Variants in GNE observed in about 807,000 individuals in gnomAD.
The protein encoded by GNE is bifunctional UDP-N-acetylglucosamine 2-epimerase/N-acetylmannosamine kinase.
Under a neutral mutation model 61.8 loss-of-function variants are expected in GNE, and 41 were observed. The observed-to-expected ratio is 0.66, with a 90% CI of 0.52 to 0.86. GNE has a LOEUF of 0.86. GNE is among the 40% of genes least tolerant of loss of function. GNE has a pLI of 0.00. For synonymous variants in GNE, 264 were observed against 326.4 expected (o/e 0.81, Z 2.06); for missense variants, 608 against 909.1 (o/e 0.67, Z 4.26).
chr9:36,271,494 C>G (rs1239384869), intron 1 of GNE, among the ~76,000 whole-genome samples: 1 of 152,200 alleles, frequency 6.6e-6, no homozygotes, highest in Non-Finnish European at 1.5e-5. Context: ...CTGCCTCAGC[C>G]TCCCAAGTAG....
Position 36,217,126 on chromosome 9 carries a change from T to C in GNE, c.*239A>G. 1.8e-6 allele frequency: 1 copy of C among 546,308 alleles called. No individual in the cohort carries two copies. Among genetic ancestry groups the C allele is most frequent in the Admixed American group, 3.1e-5 (1 of 32,444 alleles). The allele number at this position is 546,308 out of a possible 1,614,324, so 33.8% of individuals were successfully genotyped here. ...GGCACAGAAAATTGTGACTGTAACT[T>C]ACAGGGTTTGAGCTAAAATGACCCC... On this transcript the variant is annotated 3_prime_UTR_variant, in exon 12 of 12. Coordinates refer to ENST00000642385, the MANE Select transcript of GNE (RefSeq NM_005476.7).
At chr9:36,275,435 G>C (rs1370048662) in intron 1 of GNE, among the ~76,000 whole-genome samples, 2 of 152,136 alleles carry the variant, frequency 1.3e-5, no homozygotes, top group East Asian at 3.8e-4. Flanking sequence ...TTTTACTGAG[G>C]AATATTGGAA....
At chr9:36,245,409 G>A (rs1829827425) in intron 3 of GNE, among the ~76,000 whole-genome samples, 1 of 151,890 alleles carries the variant, frequency 6.6e-6, no homozygotes, top group African/African-American at 2.4e-5. Flanking sequence ...TTACAGCTGG[G>A]TGCAGTGGCT....
intron 4 of GNE, among the ~76,000 whole-genome samples, chr9:36,236,611 G>A (rs1335102936): frequency 6.6e-6 from 1 of 152,196 alleles, no homozygotes; most frequent in Admixed American, 6.5e-5. Flanking sequence ...GTAGACAGTA[G>A]ACAGACTTTT....
chr9:36,258,308 G>C lies in GNE; in HGVS notation c.-43+13C>G. The C allele has an allele frequency of 1.0e-6, 1 of 984,978 alleles. No individual in the cohort carries two copies. The highest frequency in any genetic ancestry group is 1.2e-6 in the Non-Finnish European group (1 of 829,574). 61.0% of individuals were successfully genotyped at this position (984,978 alleles called of 1,614,324 possible). A position where few individuals can be genotyped will look rare whatever the true frequency, so the allele number is the denominator to read the frequency against. On this transcript the variant is annotated intron_variant, in intron 1 of 11. Coordinates refer to ENST00000642385, the MANE Select transcript of GNE (RefSeq NM_005476.7). ...TGCTCTCCCGGAGTCCCACGCCGCC[G>C]CGCGGCTCTCACCAGACGCCGTCAG...
At chr9:36,258,564 C>T, upstream of GNE, 1 of 942,168 alleles carries the variant, frequency 1.1e-6, no homozygotes, top group Non-Finnish European at 1.3e-6. Flanking sequence ...ATTGGCTGCT[C>T]CCGTCCCCGT....
chr9:36,273,125 T>C (rs1042061188), intron 1 of GNE, among the ~76,000 whole-genome samples: 5 of 152,054 alleles, frequency 3.3e-5, no homozygotes, highest in East Asian at 1.9e-4. Flanking sequence ...TATGTTGAAT[T>C]TGTAGCACCT....
At chr9:36,232,744 T>C (rs1489537513) in intron 5 of GNE, among the ~76,000 whole-genome samples, 2 of 152,236 alleles carry the variant, frequency 1.3e-5, no homozygotes, top group African/African-American at 2.4e-5. Context: ...GAATTCCTGA[T>C]ATTTTTCTTA....
At chr9:36,270,709 G>A (rs1386389926) in intron 1 of GNE, among the ~76,000 whole-genome samples, 2 of 151,730 alleles carry the variant, frequency 1.3e-5, no homozygotes, top group Admixed American at 6.6e-5. Context: ...AGTAGAGACG[G>A]GGTTTCACCA....
At chr9:36,222,703 C>T (rs758249238) in intron 9 of GNE, 74 bp downstream of exon 9, 22 of 1,027,640 alleles carry the variant, frequency 2.1e-5, no homozygotes, top group Admixed American at 2.0e-4. Context: ...AGAGTTGTAA[C>T]CACCTGACCA....
intron 3 of GNE, among the ~76,000 whole-genome samples, chr9:36,245,307 C>T (rs777624192): frequency 6.6e-6 from 1 of 151,862 alleles, no homozygotes; most frequent in Non-Finnish European, 1.5e-5. Context: ...TAAAAACACC[C>T]ATAATCCCAC....
intron 1 of GNE, among the ~76,000 whole-genome samples, chr9:36,252,831 G>A (rs1262884227): frequency 5.7e-5 from 7 of 121,826 alleles, no homozygotes; most frequent in Admixed American, 1.6e-4. Flanking sequence ...CCTGGAAGCA[G>A]TTACTGGTTT....
Position 36,258,441 on chromosome 9 carries a change from G to C in GNE, c.-163C>G. On this transcript the variant is annotated 5_prime_UTR_variant, in exon 1 of 12. Transcript: ENST00000642385. ...CCTCGGTTTCCGCGCTCGGGCGCGCGGGTAGACGACTCGTCGCTCGACCTT... is the reference window on the plus strand; with the variant it reads ...CCTCGGTTTCCGCGCTCGGGCGCGCCGGTAGACGACTCGTCGCTCGACCTT... 2.0e-6 allele frequency: 2 copies of C among 985,538 alleles called. No individual in the cohort carries two copies. The highest frequency in any genetic ancestry group is 1.7e-5 in the African/African-American group (1 of 57,382). The allele number at this position is 985,538 out of a possible 1,614,324, so 61.0% of individuals were successfully genotyped here. A position where few individuals can be genotyped will look rare whatever the true frequency, so the allele number is the denominator to read the frequency against.
At chr9:36,258,152 G>C (rs1830468659) in intron 1 of GNE, among the ~76,000 whole-genome samples, 169 bp downstream of exon 1, 1 of 152,230 alleles carries the variant, frequency 6.6e-6, no homozygotes, top group South Asian at 2.1e-4. Context: ...GTGCCCTATG[G>C]TGAGGCCTGC....
At chr9:36,265,230 C>T (rs2063154489) in intron 1 of GNE, 1 of 365,946 alleles carries the variant, frequency 2.7e-6, no homozygotes, top group Non-Finnish European at 5.5e-6. Context: ...CCATGACCCA[C>T]GTCTTCCAAT....
chr9:36,272,059 C>G (rs530155886), intron 1 of GNE, among the ~76,000 whole-genome samples: 1 of 152,122 alleles, frequency 6.6e-6, no homozygotes, highest in Non-Finnish European at 1.5e-5. Flanking sequence ...GGCTCACGAT[C>G]GTAGTAACAC....
Position 36,216,345 on chromosome 9 carries a change from G to GTGTGTGTGTGTGTGTGTGTT in GNE, c.*1019_*1020insAACACACACACACACACACA. 2.4e-6 allele frequency: 1 copy of GTGTGTGTGTGTGTGTGTGTT among 423,248 alleles called. No individual in the cohort carries two copies. Among genetic ancestry groups the GTGTGTGTGTGTGTGTGTGTT allele is most frequent in the Non-Finnish European group, 4.9e-6 (1 of 204,008 alleles). 26.2% of individuals were successfully genotyped at this position (423,248 alleles called of 1,614,324 possible). On this transcript the variant is annotated 3_prime_UTR_variant, in exon 12 of 12. Coordinates refer to ENST00000642385, the MANE Select transcript of GNE (RefSeq NM_005476.7). ...AGGAAGGATGTGTGTGTGTGTGTGT[G>GTGTGTGTGTGTGTGTGTGTT]TGTGTGTGTAGACGGAGTCTCGCTC... is the stretch of plus-strand genomic sequence containing the variant.
At chr9:36,256,344 A>T (rs1047121618) in intron 1 of GNE, among the ~76,000 whole-genome samples, 4 of 146,232 alleles carry the variant, frequency 2.7e-5, no homozygotes, top group Non-Finnish European at 5.9e-5. Flanking sequence ...TCCTGGGTTC[A>T]AGCGATACTC....
Position 36,216,269 on chromosome 9 carries a change from C to G in GNE, c.*1096G>C. ...TTAAGCCCTTCCTGGTAAGATTTCC[C>G]TCTGTTCTCTGACTGGATCACCTTC... On this transcript the variant is annotated 3_prime_UTR_variant, in exon 12 of 12. Transcript: ENST00000642385. 2.2e-6 allele frequency: 1 copy of G among 454,486 alleles called. No homozygotes were observed. Among genetic ancestry groups the G allele is most frequent in the South Asian group, 1.6e-5 (1 of 64,496 alleles). The allele number at this position is 454,486 out of a possible 1,614,324, so 28.2% of individuals were successfully genotyped here.
Sources: gnomAD v4.1 joint callset for allele counts (sites outside exome capture counted in the v4.1 genomes callset) on GRCh38, gnomAD v4.1.1 for gene constraint, MANE v1.5 for transcripts, NCBI Gene and HGNC (gene_info 2026-07-23, HGNC 2026-07-21) for gene names.